Variants in LYRM2 observed in about 807,000 individuals in gnomAD.
LYRM2 encodes LYR motif containing 2.
Under a neutral mutation model 11.6 loss-of-function variants are expected in LYRM2, and 8 were observed. That is an observed-to-expected ratio of 0.69 (90% confidence interval 0.40 to 1.24). The LOEUF is 1.24. Ranked by LOEUF, LYRM2 falls within the 50% of genes most tolerant of loss-of-function variation. LYRM2 has a pLI of 0.01. For missense variants in LYRM2, 117 were observed against 102.9 expected, an observed-to-expected ratio of 1.14 and a Z score of -0.59; for synonymous variants, 30 against 36.4, an observed-to-expected ratio of 0.83 and a Z score of 0.63.
At chr6:89,637,579 A>AC in intron 2 of LYRM2, 163 bp downstream of exon 2, 1 of 669,530 alleles carries the variant, frequency 1.5e-6, no homozygotes, top group Non-Finnish European at 2.4e-6. Flanking sequence ...TTAAAATACT[A>AC]AATTTTAAAA....
chr6:89,638,610 C>G, intron 1 of LYRM2, 62 bp downstream of exon 1: 2 of 1,611,740 alleles, frequency 1.2e-6, no homozygotes, highest in South Asian at 2.2e-5. Context: ...GGGATAGGGA[C>G]AGATGGAGAA....
chr6:89,637,605 G>T, intron 2 of LYRM2, 137 bp downstream of exon 2: 1 of 767,690 alleles, frequency 1.3e-6, no homozygotes, highest in Non-Finnish European at 2.0e-6. Context: ...ATTTAAAATC[G>T]GTAACATTAC....
At position 89,638,734 on chromosome 6, in the gene LYRM2, C is replaced by T. The variant is rs780771634; in HGVS notation, c.-18G>A. On this transcript the variant is annotated 5_prime_UTR_variant, in exon 1 of 3. Coordinates refer to ENST00000523377, the MANE Select transcript of LYRM2 (RefSeq NM_020466.5). ...GCAGCCATGTCCACCAGAGGTCCGC[C>T]GGAGCCTCAGCGCGCAGGAGCGGAA... is the stretch of plus-strand genomic sequence containing the variant. 3 of 1,613,810 alleles carry T rather than the reference C, an allele frequency of 1.9e-6. No homozygotes were observed. Among genetic ancestry groups the T allele is most frequent in the Non-Finnish European group, 8.5e-7 (1 of 1,179,896 alleles).
Position 89,637,624 on chromosome 6 carries a change from A to G in LYRM2, c.186+118T>C, listed in dbSNP as rs111993887. The G allele has an allele frequency of 1.8e-3, 1,648 of 927,566 alleles. 18 individuals carry two copies. In the African/African-American group the frequency reaches 0.025, roughly 14 times the overall value. The allele number at this position is 927,566 out of a possible 1,614,324, so 57.5% of individuals were successfully genotyped here. On this transcript the variant is annotated intron_variant, in intron 2 of 2. Coordinates refer to ENST00000523377, the MANE Select transcript of LYRM2 (RefSeq NM_020466.5). ...AAAATCGGTAACATTACAAGCAATG[A>G]TCAAGATATACCAGCTCAGTGGCAC...
chr6:89,638,621 T>C (rs1379053673), intron 1 of LYRM2, 51 bp downstream of exon 1: 8 of 1,612,862 alleles, frequency 5.0e-6, no homozygotes, highest in Non-Finnish European at 6.8e-6. Flanking sequence ...AGATGGAGAA[T>C]CCAGCTCAGA....
At chr6:89,638,044 C>T (rs1808062698) in intron 1 of LYRM2, among the ~76,000 whole-genome samples, 162 bp from the exon 2 acceptor site, 1 of 152,018 alleles carries the variant, frequency 6.6e-6, no homozygotes. Context: ...GATGCAGTGG[C>T]TCAGGCCTGT....
rs1187022880 is a variant in LYRM2 at position 89,633,140 on chromosome 6, G to A, written c.*4133C>T. On this transcript the variant is annotated 3_prime_UTR_variant, in exon 3 of 3. Coordinates refer to ENST00000523377, the MANE Select transcript of LYRM2 (RefSeq NM_020466.5). ...CACAGGGAAGAGACTACAGAAGAAT[G>A]AGAAGGGTCAAAAGGACCTAGTGTG... The A allele has an allele frequency of 1.3e-5, 2 of 152,170 alleles. No individual in the cohort carries two copies. Among genetic ancestry groups the A allele is most frequent in the Non-Finnish European group, 2.9e-5 (2 of 68,036 alleles). 9.4% of individuals were successfully genotyped at this position (152,170 alleles called of 1,614,324 possible). A position where few individuals can be genotyped will look rare whatever the true frequency, so the allele number is the denominator to read the frequency against.
chr6:89,637,772 T>A lies in LYRM2; in HGVS notation c.156A>T (p.Glu52Asp). 1 of 1,614,148 alleles carries A rather than the reference T, an allele frequency of 6.2e-7. No individual in the cohort carries two copies. The highest frequency in any genetic ancestry group is 1.1e-5 in the South Asian group (1 of 91,080). Residue 52 changes from glutamate to aspartate, a missense_variant, in exon 2 of 3, where the codon GAA becomes GAT. Coordinates refer to ENST00000523377, the MANE Select transcript of LYRM2 (RefSeq NM_020466.5). ...CGGTGGCACTTTTGTTTCTTCTGAA[T>A]TCTTCTCTTGCCCAATCTTTCAGGT... The part of the protein sequence containing the change: ...RKYLKDWARE[E>D]FRRNKSATEE...
chr6:89,632,274 C>CA lies in LYRM2; in HGVS notation c.*4998dup, dbSNP rs1326759365. On this transcript the variant is annotated 3_prime_UTR_variant, in exon 3 of 3. Transcript: ENST00000523377. ...ATTAACATGGGGACACCAAGAAAAA[C>CA]AAAGTATGCTTTTATTCCCTTTGTC... The CA allele has an allele frequency of 1.3e-5, 2 of 152,110 alleles. No homozygotes were observed. Among genetic ancestry groups the CA allele is most frequent in the Admixed American group, 6.5e-5 (1 of 15,286 alleles). The allele number at this position is 152,110 out of a possible 1,614,324, so 9.4% of individuals were successfully genotyped here. A position where few individuals can be genotyped will look rare whatever the true frequency, so the allele number is the denominator to read the frequency against.
rs778252588 is a variant in LYRM2, at chr6:89,638,721, A to C, written c.-5T>G. The C allele has an allele frequency of 7.4e-6, 12 of 1,614,018 alleles. No individual in the cohort carries two copies. Among genetic ancestry groups the C allele is most frequent in the East Asian group, 4.5e-5 (2 of 44,876 alleles). On this transcript the variant is annotated 5_prime_UTR_variant, in exon 1 of 3. Coordinates refer to ENST00000523377, the MANE Select transcript of LYRM2 (RefSeq NM_020466.5). ...GGGTAAGCGGGAAGCAGCCATGTCCACCAGAGGTCCGCCGGAGCCTCAGCG... is the reference window on the plus strand; with the variant it reads ...GGGTAAGCGGGAAGCAGCCATGTCCCCCAGAGGTCCGCCGGAGCCTCAGCG...
rs769317978 is a variant in LYRM2 at position 89,632,964 on chromosome 6, A to T, written c.*4309T>A. The T allele has an allele frequency of 1.5e-4, 23 of 152,236 alleles. No homozygotes were observed. The highest frequency in any genetic ancestry group is 3.2e-4 in the Non-Finnish European group (22 of 68,040). The allele number at this position is 152,236 out of a possible 1,614,324, so 9.4% of individuals were successfully genotyped here. ...TTCACTTACCAAAATATCTCCTATT[A>T]CCTCAAGGTATCCTTGTTGAGGAAT... On this transcript the variant is annotated 3_prime_UTR_variant, in exon 3 of 3. Transcript: ENST00000523377.
At position 89,634,457 on chromosome 6, in the gene LYRM2, A is replaced by G. The variant is rs1807921159; in HGVS notation, c.*2816T>C. On this transcript the variant is annotated 3_prime_UTR_variant, in exon 3 of 3. Transcript: ENST00000523377. The stretch of plus-strand genomic sequence containing the variant: ...AAAAACAACTCACACCTGTAATCCT[A>G]GCACTCTGGCCACCGAGGCAGGTGG... 6.6e-6 allele frequency: 1 copy of G among 151,658 alleles called. No homozygotes were observed. Among genetic ancestry groups the G allele is most frequent in the African/African-American group, 2.4e-5 (1 of 41,322 alleles). 9.4% of individuals were successfully genotyped at this position (151,658 alleles called of 1,614,324 possible). A position where few individuals can be genotyped will look rare whatever the true frequency, so the allele number is the denominator to read the frequency against.
chr6:89,637,924 C>CTGGCTGCACTACT (rs1808057900), intron 1 of LYRM2, 42 bp from the exon 2 acceptor site: 2 of 1,557,596 alleles, frequency 1.3e-6, no homozygotes, highest in African/African-American at 2.7e-5. Flanking sequence ...ACTGCACAAT[C>CTGGCTGCACTACT]GCCAGCCTGG....
chr6:89,638,162 G>A, intron 1 of LYRM2: 1 of 654,050 alleles, frequency 1.5e-6, no homozygotes, highest in South Asian at 3.8e-5. Context: ...GCGAGAGTGA[G>A]GCCCTGTCTC....
chr6:89,638,438 G>A (rs778542224), intron 1 of LYRM2: 21 of 1,439,910 alleles, frequency 1.5e-5, no homozygotes, highest in Non-Finnish European at 1.9e-5. Context: ...CCGGGACTCA[G>A]GGAAATCAAG....
At position 89,637,739 on chromosome 6, in the gene LYRM2, C is replaced by T. The variant is rs758296310; in HGVS notation, c.186+3G>A. 1.2e-6 allele frequency: 2 copies of T among 1,613,734 alleles called. No homozygotes were observed. Among genetic ancestry groups the T allele is most frequent in the South Asian group, 1.1e-5 (1 of 91,044 alleles). ...TCTGTCCTCACCATGATTTTGTTCT[C>T]ACCTCTTCGGTGGCACTTTTGTTTC... On this transcript the variant is annotated splice_donor_region_variant and intron_variant, in intron 2 of 2. Transcript: ENST00000523377.
rs1453890018 is a variant in LYRM2 at position 89,633,530 on chromosome 6, AAAACT to A, written c.*3738_*3742del. On this transcript the variant is annotated 3_prime_UTR_variant, in exon 3 of 3. Coordinates refer to ENST00000523377, the MANE Select transcript of LYRM2 (RefSeq NM_020466.5). The stretch of plus-strand genomic sequence containing the variant: ...GCTGAAATTTTCAACAGCTGTGGGA[AAAACT>A]AAAACACAGAAATACTGTACAGTAT... 2 of 152,240 alleles carry A rather than the reference AAAACT, an allele frequency of 1.3e-5. No individual in the cohort carries two copies. The highest frequency in any genetic ancestry group is 4.8e-5 in the African/African-American group (2 of 41,460). 9.4% of individuals were successfully genotyped at this position (152,240 alleles called of 1,614,324 possible).
At chr6:89,637,484 G>T in intron 2 of LYRM2, 131 bp from the exon 3 acceptor site, 1 of 664,624 alleles carries the variant, frequency 1.5e-6, no homozygotes, top group Non-Finnish European at 2.5e-6. Context: ...AGCTAAAAGA[G>T]TTCCACATAC....
rs547811633 is a variant in LYRM2 at position 89,637,593 on chromosome 6, T to G, written c.186+149A>C. 1,072 of 728,774 alleles carry G rather than the reference T, an allele frequency of 1.5e-3. 1 individual carries two copies. Among genetic ancestry groups the G allele is most frequent in the Non-Finnish European group, 1.7e-3 (790 of 458,088 alleles). The allele number at this position is 728,774 out of a possible 1,614,324, so 45.1% of individuals were successfully genotyped here. ...TTTAAAATACTAAATTTTAAAATAA[T>G]AATTTAAAATCGGTAACATTACAAG... On this transcript the variant is annotated intron_variant, in intron 2 of 2. Coordinates refer to ENST00000523377, the MANE Select transcript of LYRM2 (RefSeq NM_020466.5).
Sources: gnomAD v4.1 joint callset for allele counts (sites outside exome capture counted in the v4.1 genomes callset) on GRCh38, gnomAD v4.1.1 for gene constraint, MANE v1.5 for transcripts, NCBI Gene and HGNC (gene_info 2026-07-23, HGNC 2026-07-21) for gene names.